The following RANBP2 variants were observed in gnomAD, a reference collection of about 807,000 sequenced individuals.
RANBP2 encodes E3 SUMO-protein ligase RanBP2.
A neutral mutation model predicts 303.6 loss-of-function variants in RANBP2; 57 were observed. The ratio of observed to expected loss-of-function variants is 0.19; its 90% CI spans 0.15 to 0.23. The LOEUF is 0.23. RANBP2 is among the 10% of genes least tolerant of loss of function. The pLI is 1.00. For missense variants in RANBP2, 3,138 were observed against 3,780.8 expected, an observed-to-expected ratio of 0.83 and a Z score of 4.46; for synonymous variants, 1,167 against 1,301.5, an observed-to-expected ratio of 0.90 and a Z score of 2.23.
At chr2:108,832,083 G>A in the RANBP2 span, among the ~76,000 whole-genome samples, 5 of 151,578 alleles carry the variant, frequency 3.3e-5, no homozygotes, top group African/African-American at 1.2e-4. Flanking sequence ...AGGCTGGAGT[G>A]CAGTGCTGCC....
At chr2:108,755,402 T>C (rs985285621) in intron 17 of RANBP2, 143 bp downstream of exon 17, 1 of 1,387,476 alleles carries the variant, frequency 7.2e-7, no homozygotes. Context: ...TCTTTTTTTT[T>C]TTTTTTAAGA....
the RANBP2 span, among the ~76,000 whole-genome samples, chr2:109,346,273 G>A: frequency 2.6e-5 from 4 of 152,158 alleles, no homozygotes; most frequent in Non-Finnish European, 5.9e-5. Context: ...TTTGCCAGCA[G>A]GCTCTCTCTT....
the RANBP2 span, among the ~76,000 whole-genome samples, chr2:109,261,267 A>T: frequency 7.9e-5 from 12 of 152,144 alleles, no homozygotes; most frequent in Non-Finnish European, 1.6e-4. Flanking sequence ...GAACAAAGCA[A>T]TGATGTGGAG....
chr2:109,321,143 T>C, the RANBP2 span, among the ~76,000 whole-genome samples: 1 of 152,370 alleles, frequency 6.6e-6, no homozygotes, highest in African/African-American at 2.4e-5. Context: ...CAAGACGCCA[T>C]GTGCATGGAT....
At chr2:109,187,927 C>T in the RANBP2 span, among the ~76,000 whole-genome samples, 1 of 152,162 alleles carries the variant, frequency 6.6e-6, no homozygotes, top group African/African-American at 2.4e-5. Flanking sequence ...TGTCAGGACT[C>T]TCAGGAACCC....
At chr2:108,794,421 C>G in the RANBP2 span, 1 of 967,970 alleles carries the variant, frequency 1.0e-6, no homozygotes, top group Non-Finnish European at 1.5e-6. Flanking sequence ...CTTTGTCTCT[C>G]TTGAAACTTT....
At chr2:109,063,546 G>A in the RANBP2 span, among the ~76,000 whole-genome samples, 13 of 152,164 alleles carry the variant, frequency 8.5e-5, no homozygotes, top group Non-Finnish European at 1.0e-4. Context: ...CCACAGGCGC[G>A]ACAGGGAACC....
In RANBP2 at chr2:108,763,336, A is replaced by G. The variant is rs112109734; in HGVS notation, c.2797A>G (p.Met933Val). The G allele has an allele frequency of 1.1e-5, 18 of 1,613,814 alleles. No homozygotes were observed. The East Asian group carries it at 2.2e-4, about 20-fold the overall frequency. Residue 933 changes from methionine (M) to valine (V), a missense_variant, in exon 20 of 29, where the codon ATG becomes GTG. Met to Val is a conservative substitution (Grantham distance 21, BLOSUM62 1). This residue lies in a region of RANBP2 where 403 missense variants were observed against 376.7 expected (regional missense o/e 1.07). Transcript: ENST00000283195. The part of the protein sequence containing the change: ...TPPVQSSSAC[M>V]FSQEMYGPPA... The stretch of plus-strand genomic sequence containing the variant: ...GCCAGTGCAAAGCTCATCTGCTTGT[A>G]TGTTCTCTCAGGAGATGTATGGTCC...
the RANBP2 span, among the ~76,000 whole-genome samples, chr2:109,590,074 A>ATG: frequency 6.8e-6 from 1 of 147,246 alleles, no homozygotes; most frequent in Non-Finnish European, 1.5e-5. Context: ...ATACACACAC[A>ATG]TATATATGTA....
chr2:109,050,814 T>C, the RANBP2 span, among the ~76,000 whole-genome samples: 7 of 152,142 alleles, frequency 4.6e-5, no homozygotes, highest in South Asian at 2.1e-4. Flanking sequence ...AGGATTATTA[T>C]ATAATTATTA....
chr2:109,553,113 C>T, the RANBP2 span: 1 of 1,613,208 alleles, frequency 6.2e-7, no homozygotes, highest in Non-Finnish European at 8.5e-7. Context: ...TTCAATATGG[C>T]TTCTTTCTCC....
the RANBP2 span, among the ~76,000 whole-genome samples, chr2:108,961,097 G>A: frequency 2.0e-5 from 3 of 152,184 alleles, no homozygotes; most frequent in Admixed American, 6.5e-5. Context: ...AGAAATGCTC[G>A]GCCACCTCCC....
the RANBP2 span, among the ~76,000 whole-genome samples, chr2:109,158,553 G>A: frequency 1.3e-5 from 2 of 152,186 alleles, no homozygotes; most frequent in Non-Finnish European, 2.9e-5. Flanking sequence ...GGCGCTCAGG[G>A]CTGTCTGACT....
the RANBP2 span, chr2:109,544,348 A>T: frequency 6.3e-7 from 1 of 1,575,200 alleles, no homozygotes. Flanking sequence ...GAACCTTTTG[A>T]TTGGTACAAT....
chr2:108,948,413 T>C, the RANBP2 span, among the ~76,000 whole-genome samples: 1 of 152,234 alleles, frequency 6.6e-6, no homozygotes, highest in Non-Finnish European at 1.5e-5. Context: ...AGGTTGTCTT[T>C]ATAGCAGTAC....
At chr2:108,927,201 G>A in the RANBP2 span, among the ~76,000 whole-genome samples, 1 of 152,222 alleles carries the variant, frequency 6.6e-6, no homozygotes, top group Non-Finnish European at 1.5e-5. Context: ...TCTCTGCACA[G>A]GGTCCCTTGC....
chr2:108,933,115 C>T, the RANBP2 span, among the ~76,000 whole-genome samples: 77 of 152,310 alleles, frequency 5.1e-4, no homozygotes, highest in Non-Finnish European at 7.8e-4. Flanking sequence ...GGCTGTAACA[C>T]CTGTTGTTGG....
chr2:109,613,230 T>C, the RANBP2 span: 14 of 1,269,470 alleles, frequency 1.1e-5, no homozygotes, highest in Non-Finnish European at 1.3e-5. Flanking sequence ...CAAAAGTAAC[T>C]GGAAAGGTTC....
the RANBP2 span, among the ~76,000 whole-genome samples, chr2:109,372,845 C>CA: frequency 6.6e-6 from 1 of 152,234 alleles, no homozygotes; most frequent in Non-Finnish European, 1.5e-5. Flanking sequence ...CCACGGGTGA[C>CA]ACGGCCAGCT....
Sources: gnomAD v4.1 joint callset for allele counts (sites outside exome capture counted in the v4.1 genomes callset) on GRCh38, gnomAD v4.1.1 for gene constraint, gnomAD v4.1.1 regional missense constraint, MANE v1.5 for transcripts, NCBI Gene and HGNC (gene_info 2026-07-23, HGNC 2026-07-21) for gene names.